Variants in SGCG observed in about 807,000 individuals in gnomAD.
The protein encoded by SGCG is sarcoglycan gamma.
SGCG carries 26 observed loss-of-function variants against 29.3 expected under a neutral mutation model. The observed-to-expected ratio is 0.89, with a 90% CI of 0.65 to 1.23. The LOEUF is 1.23. Among genes scored for constraint, SGCG ranks in the 50% most tolerant of loss-of-function variants. The pLI, the probability that SGCG is intolerant of heterozygous loss-of-function variation, is 0.00. For synonymous variants in SGCG, 145 were observed against 129.7 expected (o/e 1.12, Z -0.80); for missense variants, 353 against 356.0 (o/e 0.99, Z 0.07).
chr13:23,212,807 A>C (rs1377548832), intron 2 of SGCG, among the ~76,000 whole-genome samples: 1 of 152,186 alleles, frequency 6.6e-6, no homozygotes, highest in African/African-American at 2.4e-5. Context: ...TCCGTGTTGC[A>C]GAGCAGGTTT....
intron 1 of SGCG, among the ~76,000 whole-genome samples, chr13:23,197,756 G>A (rs1485136944): frequency 6.6e-6 from 1 of 152,134 alleles, no homozygotes; most frequent in Non-Finnish European, 1.5e-5. Flanking sequence ...AAGCCCCAGT[G>A]GAAGTAACCG....
chr13:23,302,770 G>C (rs906043415), intron 6 of SGCG, among the ~76,000 whole-genome samples: 1 of 152,124 alleles, frequency 6.6e-6, no homozygotes, highest in Non-Finnish European at 1.5e-5. Flanking sequence ...AAAACTATTT[G>C]ATAGATCTGC....
chr13:23,192,401 T>A (rs1185713182), intron 1 of SGCG, among the ~76,000 whole-genome samples: 4 of 150,208 alleles, frequency 2.7e-5, no homozygotes, highest in African/African-American at 1.0e-4. Context: ...TATTTTATTT[T>A]TGAGACGGAG....
chr13:23,210,880 T>C (rs1177083061), intron 2 of SGCG, among the ~76,000 whole-genome samples: 1 of 152,000 alleles, frequency 6.6e-6, no homozygotes, highest in Non-Finnish European at 1.5e-5. Flanking sequence ...ACTCAGAAGG[T>C]GGTACGATGA....
At chr13:23,232,120 A>G (rs962192579) in intron 2 of SGCG, among the ~76,000 whole-genome samples, 3 of 87,972 alleles carry the variant, frequency 3.4e-5, no homozygotes, top group African/African-American at 1.0e-4. Context: ...TTCCATAAAG[A>G]AAAAAAAAAA....
At chr13:23,205,489 C>T (rs1041401129) in intron 2 of SGCG, among the ~76,000 whole-genome samples, 1 of 152,146 alleles carries the variant, frequency 6.6e-6, no homozygotes, top group Admixed American at 6.5e-5. Context: ...AAGCCCAGCA[C>T]GTGCTGAACA....
intron 6 of SGCG, among the ~76,000 whole-genome samples, chr13:23,314,799 G>T (rs1882746552): frequency 6.6e-5 from 10 of 152,162 alleles, no homozygotes; most frequent in Admixed American, 6.5e-4. Flanking sequence ...TCCTTCTAAG[G>T]TGAAGGATAA....
chr13:23,204,246 A>T (rs593988), intron 2 of SGCG, among the ~76,000 whole-genome samples: 37,214 of 152,070 alleles, frequency 0.24, 4,881 homozygotes, highest in Middle Eastern at 0.33. Flanking sequence ...AATTTCATTA[A>T]TTCATAAATA....
upstream of SGCG, among the ~76,000 whole-genome samples, chr13:23,176,233 T>C (rs1876550836): frequency 6.6e-6 from 1 of 152,164 alleles, no homozygotes; most frequent in South Asian, 2.1e-4. Context: ...TAAAAAAAAC[T>C]AATAAAGCTG....
At chr13:23,300,241 C>G (rs1233720723) in intron 6 of SGCG, among the ~76,000 whole-genome samples, 1 of 152,112 alleles carries the variant, frequency 6.6e-6, no homozygotes, top group Non-Finnish European at 1.5e-5. Flanking sequence ...GAAAGTTTAC[C>G]TAGTAAGTGT....
chr13:23,205,365 A>G (rs1212895419), intron 2 of SGCG, among the ~76,000 whole-genome samples: 1 of 152,200 alleles, frequency 6.6e-6, no homozygotes, highest in Non-Finnish European at 1.5e-5. Flanking sequence ...TTTGCCAGAG[A>G]CAACTGAATA....
At chr13:23,271,160 C>G (rs1320115331) in intron 4 of SGCG, among the ~76,000 whole-genome samples, 2 of 151,914 alleles carry the variant, frequency 1.3e-5, no homozygotes, top group Non-Finnish European at 2.9e-5. Flanking sequence ...TGCAGTGAGC[C>G]GAGATCACGC....
rs1167483145 is a variant in SGCG at position 23,181,008 on chromosome 13, A to G, written c.-68A>G. 1 of 152,200 alleles carries G rather than the reference A, an allele frequency of 6.6e-6. No individual in the cohort carries two copies. Among genetic ancestry groups the G allele is most frequent in the Non-Finnish European group, 1.5e-5 (1 of 68,034 alleles). The allele number at this position is 152,200 out of a possible 1,614,324, so 9.4% of individuals were successfully genotyped here. ...TGTAAGTCATAGAAAAGTTTGAAACATTCTGTCTGTGGTAGAGCTCGGGCC... is the reference window on the plus strand; with the variant it reads ...TGTAAGTCATAGAAAAGTTTGAAACGTTCTGTCTGTGGTAGAGCTCGGGCC... On this transcript the variant is annotated 5_prime_UTR_variant, in exon 1 of 8. Coordinates refer to ENST00000218867, the MANE Select transcript of SGCG (RefSeq NM_000231.3).
At chr13:23,183,585 T>G (rs1876835192) in intron 1 of SGCG, among the ~76,000 whole-genome samples, 1 of 151,142 alleles carries the variant, frequency 6.6e-6, no homozygotes, top group Non-Finnish European at 1.5e-5. Context: ...GAAAGGCAAG[T>G]GACTGTTTAC....
the SGCG span, among the ~76,000 whole-genome samples, chr13:23,167,208 T>C: frequency 5.9e-5 from 9 of 152,222 alleles, no homozygotes; most frequent in African/African-American, 2.2e-4. Context: ...GTTCCATCCA[T>C]GTTGTTGCAG....
chr13:23,269,874 G>GTTTT lies in SGCG; in HGVS notation c.386-9480_386-9477dup, dbSNP rs796558128. Among the ~76,000 whole-genome samples the GTTTT allele has an allele frequency of 9.1e-4, 89 of 97,496 alleles. 4 individuals are homozygous for GTTTT. The highest frequency in any genetic ancestry group is 2.1e-3 in the African/African-American group (66 of 31,738). The allele number at this position is 97,496 out of a possible 152,430, so 64.0% of individuals were successfully genotyped here. On this transcript the variant is annotated intron_variant, in intron 4 of 7. Coordinates refer to ENST00000218867, the MANE Select transcript of SGCG (RefSeq NM_000231.3). ...TGGTTTGCTTTTTTTTGTTTTTTTT[G>GTTTT]TTTTTTTTGTTTTTTTTTGAGGCGG...
intron 1 of SGCG, among the ~76,000 whole-genome samples, chr13:23,188,389 G>A (rs954590316): frequency 5.2e-5 from 7 of 133,362 alleles, no homozygotes; most frequent in South Asian, 2.4e-4. Flanking sequence ...GCAATGGAGC[G>A]ATCTCGGCTC....
chr13:23,184,171 C>A (rs376929041), intron 1 of SGCG, among the ~76,000 whole-genome samples: 4 of 152,188 alleles, frequency 2.6e-5, no homozygotes, highest in African/African-American at 9.6e-5. Context: ...AACTGCCAGG[C>A]CATAGGAAAA....
intron 2 of SGCG, among the ~76,000 whole-genome samples, chr13:23,206,824 A>G (rs539794932): frequency 2.6e-5 from 4 of 152,328 alleles, no homozygotes; most frequent in Admixed American, 2.6e-4. Flanking sequence ...AAAGACACAA[A>G]CAAATGAGAA....
Sources: gnomAD v4.1 joint callset for allele counts (sites outside exome capture counted in the v4.1 genomes callset) on GRCh38, gnomAD v4.1.1 for gene constraint, MANE v1.5 for transcripts, NCBI Gene and HGNC (gene_info 2026-07-23, HGNC 2026-07-21) for gene names.